The following ZNF484 variants were observed in gnomAD, a reference collection of about 807,000 sequenced individuals.
ZNF484 encodes zinc finger protein 484.
A neutral mutation model predicts 12.9 loss-of-function variants in ZNF484; 11 were observed. The observed-to-expected ratio is 0.85, with a 90% CI of 0.54 to 1.41. ZNF484 has a LOEUF of 1.41. Ranked by LOEUF, ZNF484 falls within the 40% of genes most tolerant of loss-of-function variation. The probability of loss-of-function intolerance (pLI) is 0.00; values close to 1 mark genes in which losing one functional copy is unlikely to be tolerated. For missense variants in ZNF484, 807 were observed against 1,007.7 expected (o/e 0.80, Z 2.70); for synonymous variants, 289 against 334.1 (o/e 0.86, Z 1.47).
In ZNF484 at chr9:92,848,363, T is replaced by C. The variant is rs769727671; in HGVS notation, c.424A>G (p.Ile142Val). 6.2e-7 allele frequency: 1 copy of C among 1,614,152 alleles called. No individual in the cohort carries two copies. The highest frequency in any genetic ancestry group is 8.5e-7 in the Non-Finnish European group (1 of 1,180,006). Residue 142 changes from isoleucine to valine, a missense_variant, in exon 5 of 5, where the codon ATT becomes GTT. Coordinates refer to ENST00000375495, the MANE Select transcript of ZNF484 (RefSeq NM_031486.4). This position sits in a 1 kb window ranked among gnomAD's most constrained non-coding sequence, Gnocchi z 4.1. ...TCATTAGCTAGTGTTTTCTTGTTAA[T>C]GAAGACAACACGACTTAAAGGTTTG... ...QNKPLSRVVF[I>V]NKKTLANDSI...
chr9:92,847,791 G>A lies in ZNF484; in HGVS notation c.996C>T (p.Asp332=). ...ACTTCTGGATAAAGGCTCTTCCATA[G>A]TCACTGCATTTATAGTAATTCCCCT... ...PYEGNYYKCS[D]YGRAFIQKSD... is the part of the protein sequence containing the mutation. Residue 332 remains aspartate (D), a synonymous_variant, in exon 5 of 5, where the codon GAC becomes GAT. Transcript: ENST00000375495. The A allele has an allele frequency of 6.2e-7, 1 of 1,613,990 alleles. No individual in the cohort carries two copies. The highest frequency in any genetic ancestry group is 1.1e-5 in the South Asian group (1 of 91,084).
At chr9:92,852,299 G>A (rs770823693) in intron 4 of ZNF484, among the ~76,000 whole-genome samples, 1 of 152,110 alleles carries the variant, frequency 6.6e-6, no homozygotes, top group Non-Finnish European at 1.5e-5. Flanking sequence ...TTTTGTTTTT[G>A]TTTTTGTTTT....
intron 2 of ZNF484, among the ~76,000 whole-genome samples, chr9:92,867,792 C>T (rs554916023): frequency 2.2e-4 from 33 of 152,302 alleles, no homozygotes; most frequent in African/African-American, 7.7e-4. Flanking sequence ...TTTTAATCCA[C>T]GTCCTCTTTC....
chr9:92,863,572 T>C (rs1197263913), intron 2 of ZNF484, among the ~76,000 whole-genome samples: 1 of 152,070 alleles, frequency 6.6e-6, no homozygotes, highest in African/African-American at 2.4e-5. Context: ...GAAAAAGAAA[T>C]TGGTGTAGAT....
At chr9:92,856,845 C>T (rs1156555927) in intron 2 of ZNF484, among the ~76,000 whole-genome samples, 1 of 152,204 alleles carries the variant, frequency 6.6e-6, no homozygotes, top group Non-Finnish European at 1.5e-5. Context: ...CCTCAGCCTC[C>T]TGAGTAGCTG....
intron 4 of ZNF484, among the ~76,000 whole-genome samples, chr9:92,850,609 C>G (rs1420156094): frequency 6.6e-6 from 1 of 152,138 alleles, no homozygotes; most frequent in Non-Finnish European, 1.5e-5. Context: ...GAGCCTCACT[C>G]TATCACCCAG....
chr9:92,850,534 C>G (rs1002238904), intron 4 of ZNF484, among the ~76,000 whole-genome samples: 1 of 152,142 alleles, frequency 6.6e-6, no homozygotes, highest in Non-Finnish European at 1.5e-5. Flanking sequence ...TATAGCCTCT[C>G]TCATTTATCT....
rs768196582 is a variant in ZNF484, at chr9:92,847,331, G to A, written c.1456C>T (p.His486Tyr). 34 of 1,613,600 alleles carry A rather than the reference G, an allele frequency of 2.1e-5. No homozygotes were observed. The highest frequency in any genetic ancestry group is 1.6e-4 in the Middle Eastern group (1 of 6,082). Residue 486 changes from histidine (H) to tyrosine (Y), a missense_variant, in exon 5 of 5, where the codon CAC (histidine) becomes TAC (tyrosine). Physicochemically the swap from His to Tyr is moderately conservative, Grantham distance 83. Coordinates refer to ENST00000375495, the MANE Select transcript of ZNF484 (RefSeq NM_031486.4). ...VFTHKTNLII[H>Y]QKIHTGERPY... ...CTTTCTCCTGTATGAATTTTCTGGT[G>A]TATAATGAGATTTGTCTTGTGAGTG...
chr9:92,874,000 A>T (rs1048206233), intron 2 of ZNF484, among the ~76,000 whole-genome samples: 2 of 152,256 alleles, frequency 1.3e-5, no homozygotes, highest in Non-Finnish European at 2.9e-5. Flanking sequence ...ATATTAAAAA[A>T]TCAATCAATG....
intron 4 of ZNF484, among the ~76,000 whole-genome samples, chr9:92,854,872 G>A (rs192350947): frequency 2.2e-4 from 34 of 152,168 alleles, no homozygotes; most frequent in Non-Finnish European, 1.0e-4. Context: ...ATAATGCACT[G>A]CAACATGGAC....
rs773926781 is a variant in ZNF484, at chr9:92,846,258, TTC to T, written c.2527_2528del (p.Glu843ArgfsTer2). On this transcript the variant is annotated frameshift_variant, in exon 5 of 5. Transcript: ENST00000375495. LOFTEE classifies it low-confidence loss of function (END_TRUNC). The stretch of plus-strand genomic sequence containing the variant: ...TAGAAGAAAGTTGGCCTTGGTCACC[TTC>T]TGAGTCCCCACACCATAATTGTGGC... ...SMPQLWCGDSEGDQGQLSSI is the reference protein window; with the variant it reads ...SMPQLWCGDSXGDQGQLSSI The T allele has an allele frequency of 2.4e-5, 39 of 1,613,796 alleles. 1 individual carries two copies. In the South Asian group the frequency reaches 4.3e-4, roughly 18 times the overall value.
In ZNF484 at chr9:92,866,250, A is replaced by G. The variant is rs138463013; in HGVS notation, c.15+8765T>C. ...ACCTATTCAAAATACTCATCTGACA[A>G]AGGTCTAATATCCAGATTCTACAGG... On this transcript the variant is annotated intron_variant, in intron 2 of 4. Coordinates refer to ENST00000375495, the MANE Select transcript of ZNF484 (RefSeq NM_031486.4). Among the ~76,000 whole-genome samples the G allele has an allele frequency of 2.0e-5, 3 of 152,360 alleles. No individual in the cohort carries two copies. In the East Asian group the frequency reaches 5.8e-4, roughly 29 times the overall value.
chr9:92,849,384 ATAAT>A (rs767689488), intron 4 of ZNF484, among the ~76,000 whole-genome samples: 125 of 152,234 alleles, frequency 8.2e-4, no homozygotes, highest in Non-Finnish European at 1.6e-3. Context: ...TCATTTATAT[ATAAT>A]ATGTAATACA....
In ZNF484 at chr9:92,847,731, T is replaced by G. The variant is rs763100620; in HGVS notation, c.1056A>C (p.Gly352=). ...DLFRCQRIHS[G]EKPYEYSECE... is the part of the protein sequence containing the mutation. ...ATTCACTGTACTCATAAGGTTTTTC[T>G]CCAGAATGAATTCTCTGGCATCTGA... Residue 352 remains glycine, a synonymous_variant, in exon 5 of 5, where the codon GGA becomes GGC. Coordinates refer to ENST00000375495, the MANE Select transcript of ZNF484 (RefSeq NM_031486.4). The G allele has an allele frequency of 1.2e-6, 2 of 1,613,738 alleles. No individual in the cohort carries two copies. The highest frequency in any genetic ancestry group is 2.7e-5 in the African/African-American group (2 of 74,950).
chr9:92,860,623 CAA>C (rs1856729813), intron 2 of ZNF484, among the ~76,000 whole-genome samples: 2 of 139,188 alleles, frequency 1.4e-5, no homozygotes, highest in African/African-American at 5.3e-5. Context: ...AAAAAAACAA[CAA>C]AACAAAACAA....
chr9:92,864,107 T>C (rs141574532), intron 2 of ZNF484, among the ~76,000 whole-genome samples: 2,054 of 152,254 alleles, frequency 0.013, 22 homozygotes, highest in African/African-American at 0.03. Flanking sequence ...ATTTAGGAGA[T>C]GTGACAGTGA....
At chr9:92,862,241 T>G in intron 2 of ZNF484, 2 of 602,260 alleles carry the variant, frequency 3.3e-6, no homozygotes, top group Non-Finnish European at 4.2e-6. Context: ...TCTTAGGAAT[T>G]ACCTGCCATA....
intron 2 of ZNF484, among the ~76,000 whole-genome samples, chr9:92,857,644 A>G (rs1856542913): frequency 6.6e-6 from 1 of 152,232 alleles, no homozygotes; most frequent in African/African-American, 2.4e-5. Context: ...AGTGAGTCTT[A>G]GCAGAGCTTC....
At chr9:92,876,367 C>T (rs1420985270) in intron 1 of ZNF484, among the ~76,000 whole-genome samples, 1 of 152,008 alleles carries the variant, frequency 6.6e-6, no homozygotes, top group African/African-American at 2.4e-5. Flanking sequence ...GGCATAAAAT[C>T]AGATAAATCA....
Sources: allele counts gnomAD v4.1 joint callset (sites outside exome capture counted in the v4.1 genomes callset), GRCh38; gene constraint gnomAD v4.1.1; non-coding constraint Gnocchi (gnomAD v3.1); transcripts MANE v1.5; gene names NCBI Gene and HGNC (gene_info 2026-07-23, HGNC 2026-07-21).